TNFRSF8: variants seen among roughly 807,000 people sequenced by gnomAD.
TNFRSF8 encodes the protein TNF receptor superfamily member 8, also known as tumor necrosis factor receptor superfamily member 8.
In TNFRSF8, 26 loss-of-function variants were observed where a neutral mutation model predicts 70.8. The ratio of observed to expected loss-of-function variants is 0.37; its 90% CI spans 0.27 to 0.51. The LOEUF is 0.51. Ranked by LOEUF, TNFRSF8 falls within the 20% of genes least tolerant of loss-of-function variation. The pLI is 0.94. For synonymous variants in TNFRSF8, 356 were observed against 339.2 expected (o/e 1.05, Z -0.54); for missense variants, 720 against 807.9 (o/e 0.89, Z 1.32).
chr1:12,123,810 A>G lies in TNFRSF8; in HGVS notation c.1136A>G (p.Lys379Arg). The G allele has an allele frequency of 6.4e-7, 1 of 1,570,100 alleles. No individual in the cohort carries two copies. The highest frequency in any genetic ancestry group is 8.6e-7 in the Non-Finnish European group (1 of 1,156,964). The change falls in exon 10 of 15, where the codon AAG becomes AGG. Residue 379 changes from lysine to arginine, a missense_variant. Lys to Arg is a conservative substitution (Grantham distance 26). Transcript: ENST00000263932. ...CCCGTCGCTCTCTCCTCCACGGGGA[A>G]GCCCGTTCTGGATGCAGGTAATGGT... ...SAPVALSSTG[K>R]PVLDAGPVLF...
At chr1:12,085,463 G>C (rs972709360) in intron 2 of TNFRSF8, among the ~76,000 whole-genome samples, 3 of 152,118 alleles carry the variant, frequency 2.0e-5, no homozygotes, top group Non-Finnish European at 4.4e-5. Context: ...TATTGCACAG[G>C]CTGGTCTTGA....
At chr1:12,135,666 C>G (rs1440315217) in intron 13 of TNFRSF8, 53 bp downstream of exon 13, 28 of 1,606,916 alleles carry the variant, frequency 1.7e-5, no homozygotes, top group Non-Finnish European at 2.3e-5. Context: ...AAATCTGACT[C>G]CTTCCCTAAC....
chr1:12,065,893 C>T (rs927025797), intron 1 of TNFRSF8, among the ~76,000 whole-genome samples: 3 of 152,120 alleles, frequency 2.0e-5, no homozygotes, highest in African/African-American at 7.2e-5. Context: ...GTCTGTGATT[C>T]TTTCCTAGAC....
intron 2 of TNFRSF8, among the ~76,000 whole-genome samples, chr1:12,087,919 G>C (rs1488384187): frequency 6.6e-6 from 1 of 152,054 alleles, no homozygotes; most frequent in Non-Finnish European, 1.5e-5. Context: ...TGGTGTGGTG[G>C]GTGGGGCATT....
intron 1 of TNFRSF8, among the ~76,000 whole-genome samples, chr1:12,076,952 G>A (rs538497525): frequency 2.0e-5 from 3 of 152,056 alleles, no homozygotes; most frequent in Non-Finnish European, 4.4e-5. Flanking sequence ...ATTCTACATT[G>A]TTAATTTGGG....
chr1:12,065,896 T>G (rs938376224), intron 1 of TNFRSF8, among the ~76,000 whole-genome samples: 8 of 152,170 alleles, frequency 5.3e-5, no homozygotes, highest in Admixed American at 4.6e-4. Flanking sequence ...TGTGATTCTT[T>G]CCTAGACAAG....
chr1:12,127,064 A>G (rs1243420438), intron 12 of TNFRSF8, among the ~76,000 whole-genome samples: 1 of 152,172 alleles, frequency 6.6e-6, no homozygotes, highest in African/African-American at 2.4e-5. Flanking sequence ...TCACCTGTCC[A>G]GGCAGGGTCG....
chr1:12,109,943 C>A lies in TNFRSF8; in HGVS notation c.513-98C>A. 2.1e-6 allele frequency: 3 copies of A among 1,451,976 alleles called. No homozygotes were observed. The highest frequency in any genetic ancestry group is 1.9e-6 in the Non-Finnish European group (2 of 1,064,840). The allele number at this position is 1,451,976 out of a possible 1,614,324, so 89.9% of individuals were successfully genotyped here. On this transcript the variant is annotated intron_variant, in intron 5 of 14. Transcript: ENST00000263932. This position sits in a 1 kb window ranked among gnomAD's most constrained non-coding sequence, Gnocchi z 4.4. ...CCCGCCAGAGGCAGTGGGCCAAGGGCCTGGGACCCCATCTCTGTGGAAACT... is the reference window on the plus strand; with the variant it reads ...CCCGCCAGAGGCAGTGGGCCAAGGGACTGGGACCCCATCTCTGTGGAAACT...
intron 1 of TNFRSF8, among the ~76,000 whole-genome samples, chr1:12,073,591 TC>T (rs1295448301): frequency 6.7e-6 from 1 of 149,516 alleles, no homozygotes; most frequent in African/African-American, 2.5e-5. Context: ...TTTTTCTTTT[TC>T]TTTTTTTTTT....
At chr1:12,126,646 C>T (rs77532724) in intron 12 of TNFRSF8, among the ~76,000 whole-genome samples, 1 of 152,224 alleles carries the variant, frequency 6.6e-6, no homozygotes, top group African/African-American at 2.4e-5. Flanking sequence ...TCCCCCTCTT[C>T]TACCACCTGG....
chr1:12,090,835 G>GAGTCATGC lies in TNFRSF8; in HGVS notation c.152-6265_152-6258dup, dbSNP rs577368345. 1.6e-4 allele frequency among the ~76,000 whole-genome samples: 25 copies of GAGTCATGC among 152,284 alleles called. 2 individuals carry two copies. In the South Asian group the frequency reaches 3.3e-3, roughly 20 times the overall value. Reference sequence around the variant, plus strand: ...CCCCAGAAGTAGACTGTTATGGGCTGAGTCATGCCCGTATCCCCCAACCAA... The same window carrying GAGTCATGC: ...CCCCAGAAGTAGACTGTTATGGGCTGAGTCATGCAGTCATGCCCGTATCCCCCAACCAA... On this transcript the variant is annotated intron_variant, in intron 2 of 14. Coordinates refer to ENST00000263932, the MANE Select transcript of TNFRSF8 (RefSeq NM_001243.5).
rs1035572498 is a variant in TNFRSF8, at chr1:12,142,712, AGCTGTCCCCT to A, written c.*183_*192del. The A allele has an allele frequency of 7.7e-6, 6 of 781,434 alleles. No individual in the cohort carries two copies. Among genetic ancestry groups the A allele is most frequent in the African/African-American group, 1.7e-5 (1 of 57,184 alleles). The allele number at this position is 781,434 out of a possible 1,614,324, so 48.4% of individuals were successfully genotyped here. A position where few individuals can be genotyped will look rare whatever the true frequency, so the allele number is the denominator to read the frequency against. On this transcript the variant is annotated 3_prime_UTR_variant, in exon 15 of 15. Coordinates refer to ENST00000263932, the MANE Select transcript of TNFRSF8 (RefSeq NM_001243.5). The surrounding 1 kb of genome is among the most constrained non-coding windows in gnomAD (Gnocchi z 5.0). ...TGGTCTCTGCTTGCATCCCCAACTT[AGCTGTCCCCT>A]GACCCAGAGCCTAGGGGATCCGGGG...
chr1:12,088,387 A>G lies in TNFRSF8; in HGVS notation c.151+3836A>G, dbSNP rs904922461. Among the ~76,000 whole-genome samples, 1 of 152,172 alleles carries G rather than the reference A, an allele frequency of 6.6e-6. No homozygotes were observed. Among genetic ancestry groups the G allele is most frequent in the African/African-American group, 2.4e-5 (1 of 41,442 alleles). ...AGGAAACTTGGACACCGAGGGGTTC[A>G]GGAATTTGCACAAGGCCACATGCGT... On this transcript the variant is annotated intron_variant, in intron 2 of 14. Transcript: ENST00000263932. The surrounding 1 kb of genome is among the most constrained non-coding windows in gnomAD (Gnocchi z 4.0).
chr1:12,110,670 C>G lies in TNFRSF8; in HGVS notation c.676+466C>G, dbSNP rs922975667. 2.0e-5 allele frequency among the ~76,000 whole-genome samples: 3 copies of G among 152,192 alleles called. No homozygotes were observed. The highest frequency in any genetic ancestry group is 7.2e-5 in the African/African-American group (3 of 41,454). ...CTGGAGTGCAGTGGCGCAATCTCGG[C>G]TCACTGCCACCTCCACCTCCTGGGT... On this transcript the variant is annotated intron_variant, in intron 6 of 14. Coordinates refer to ENST00000263932, the MANE Select transcript of TNFRSF8 (RefSeq NM_001243.5). This position sits in a 1 kb window ranked among gnomAD's most constrained non-coding sequence, Gnocchi z 4.0.
At chr1:12,106,043 T>C (rs998661341) in intron 4 of TNFRSF8, among the ~76,000 whole-genome samples, 3 of 151,994 alleles carry the variant, frequency 2.0e-5, no homozygotes, top group Non-Finnish European at 4.4e-5. Context: ...TTTCAGAGCC[T>C]TCTTACATTT....
intron 2 of TNFRSF8, among the ~76,000 whole-genome samples, chr1:12,089,247 C>T (rs752529630): frequency 1.4e-4 from 21 of 152,046 alleles, no homozygotes; most frequent in African/African-American, 4.8e-5. Flanking sequence ...ACTTGTCTAT[C>T]GTCTTCCTGC....
At chr1:12,078,938 G>A (rs1185851507) in intron 1 of TNFRSF8, among the ~76,000 whole-genome samples, 1 of 152,230 alleles carries the variant, frequency 6.6e-6, no homozygotes, top group African/African-American at 2.4e-5. Context: ...TCTGCATTTT[G>A]AGAAAGTTCC....
chr1:12,088,899 C>G lies in TNFRSF8; in HGVS notation c.151+4348C>G, dbSNP rs367754509. Among the ~76,000 whole-genome samples, 21 of 152,316 alleles carry G rather than the reference C, an allele frequency of 1.4e-4. No homozygotes were observed. The East Asian group carries it at 2.5e-3, about 18-fold the overall frequency. Reference sequence around the variant, plus strand: ...CGCCTCCCCCTCCCCCGCCCAGTCCCTCTTCATCCTGGGCTTCAGCTGAGT... The same window carrying G: ...CGCCTCCCCCTCCCCCGCCCAGTCCGTCTTCATCCTGGGCTTCAGCTGAGT... On this transcript the variant is annotated intron_variant, in intron 2 of 14. Transcript: ENST00000263932. The surrounding 1 kb of genome is among the most constrained non-coding windows in gnomAD (Gnocchi z 4.0).
chr1:12,122,142 A>G (rs1641840347), intron 8 of TNFRSF8, among the ~76,000 whole-genome samples: 1 of 151,848 alleles, frequency 6.6e-6, no homozygotes, highest in African/African-American at 2.4e-5. Flanking sequence ...GGAGTTAGTT[A>G]CCTTTGTCAG....
Sources: gnomAD v4.1 joint callset for allele counts (sites outside exome capture counted in the v4.1 genomes callset) on GRCh38, gnomAD v4.1.1 for gene constraint, Gnocchi (gnomAD v3.1) non-coding constraint, MANE v1.5 for transcripts, NCBI Gene and HGNC (gene_info 2026-07-23, HGNC 2026-07-21) for gene names.